Variants in TSPAN9 observed in about 807,000 individuals in gnomAD.
The protein encoded by TSPAN9 is tetraspanin-9.
In TSPAN9, 16 loss-of-function variants were observed where a neutral mutation model predicts 31.0. The observed-to-expected ratio is 0.52, with a 90% CI of 0.35 to 0.78. The LOEUF (loss-of-function observed/expected upper bound fraction) is 0.78. Ranked by LOEUF, TSPAN9 falls within the 30% of genes least tolerant of loss-of-function variation. The pLI is 0.01. For missense variants in TSPAN9, 272 were observed against 312.5 expected, an observed-to-expected ratio of 0.87 and a Z score of 0.98; for synonymous variants, 145 against 121.6, an observed-to-expected ratio of 1.19 and a Z score of -1.27.
chr12:3,265,877 T>G (rs1862527574), intron 3 of TSPAN9, among the ~76,000 whole-genome samples: 1 of 152,176 alleles, frequency 6.6e-6, no homozygotes, highest in South Asian at 2.1e-4. Context: ...TGTGTGAGCT[T>G]AGACAGGATA....
chr12:3,132,674 T>C (rs1305043018), intron 2 of TSPAN9, among the ~76,000 whole-genome samples: 1 of 152,208 alleles, frequency 6.6e-6, no homozygotes, highest in Non-Finnish European at 1.5e-5. Flanking sequence ...TCCAGCTAGG[T>C]TGGGCGAAGC....
At chr12:3,240,282 C>T (rs543351110) in intron 3 of TSPAN9, among the ~76,000 whole-genome samples, 164 of 152,068 alleles carry the variant, frequency 1.1e-3, no homozygotes, top group Non-Finnish European at 1.9e-3. Context: ...CTGCAGGCTA[C>T]GGGGAGAGAG....
intron 3 of TSPAN9, among the ~76,000 whole-genome samples, chr12:3,250,420 A>G (rs140605442): frequency 3.3e-4 from 50 of 152,236 alleles, no homozygotes; most frequent in African/African-American, 1.2e-3. Context: ...TCCAGAATGG[A>G]GTTCATGCCT....
chr12:3,141,598 C>T (rs373995173), intron 2 of TSPAN9, among the ~76,000 whole-genome samples: 5 of 152,236 alleles, frequency 3.3e-5, no homozygotes, highest in South Asian at 2.1e-4. Flanking sequence ...GGCTGTGTCT[C>T]GGCTGCAGCT....
At chr12:3,139,222 T>C (rs1041984221) in intron 2 of TSPAN9, among the ~76,000 whole-genome samples, 2 of 152,220 alleles carry the variant, frequency 1.3e-5, no homozygotes, top group Non-Finnish European at 2.9e-5. Flanking sequence ...TCTTCCTCTG[T>C]CTGAGACCAT....
chr12:3,180,097 G>A (rs2098357893), intron 2 of TSPAN9, among the ~76,000 whole-genome samples: 1 of 152,008 alleles, frequency 6.6e-6, no homozygotes, highest in Non-Finnish European at 1.5e-5. Flanking sequence ...AAAGACCCAG[G>A]GCATTGTTTC....
intron 4 of TSPAN9, 136 bp downstream of exon 4, chr12:3,278,748 T>C: frequency 8.3e-7 from 1 of 1,199,972 alleles, no homozygotes; most frequent in Non-Finnish European, 1.2e-6. Context: ...TAGAACGTTC[T>C]AGGCTTGACC....
At chr12:3,216,018 C>T (rs550592944) in intron 3 of TSPAN9, among the ~76,000 whole-genome samples, 183 of 152,322 alleles carry the variant, frequency 1.2e-3, no homozygotes, top group African/African-American at 4.2e-3. Flanking sequence ...ATGTTCCCAG[C>T]GGTTGATCCA....
rs921135339 is a variant in TSPAN9, at chr12:3,147,757, G to A, written c.-17-53420G>A. On this transcript the variant is annotated intron_variant, in intron 2 of 8. Transcript: ENST00000011898. The surrounding 1 kb of genome is among the most constrained non-coding windows in gnomAD (Gnocchi z 4.3). ...GCCACATGTTGCTAGTGGCTGCCAC[G>A]TCGGACGGTACTGTTCTAGACCAGT... 1.4e-4 allele frequency among the ~76,000 whole-genome samples: 22 copies of A among 152,206 alleles called. No individual in the cohort carries two copies. The highest frequency in any genetic ancestry group is 3.6e-4 in the African/African-American group (15 of 41,454).
At chr12:3,223,897 A>G (rs574859409) in intron 3 of TSPAN9, among the ~76,000 whole-genome samples, 350 of 152,208 alleles carry the variant, frequency 2.3e-3, no homozygotes, top group African/African-American at 8.0e-3. Flanking sequence ...TTATAACAGA[A>G]TAGGGATGCT....
chr12:3,108,094 A>G (rs1342629629), intron 2 of TSPAN9, among the ~76,000 whole-genome samples: 1 of 152,146 alleles, frequency 6.6e-6, no homozygotes, highest in African/African-American at 2.4e-5. Context: ...GTAACCCCAT[A>G]GCACCTGTGC....
chr12:3,134,475 A>G (rs2098331198), intron 2 of TSPAN9, among the ~76,000 whole-genome samples: 1 of 152,206 alleles, frequency 6.6e-6, no homozygotes, highest in African/African-American at 2.4e-5. Context: ...GGGATGGTCA[A>G]GGCTGGAGCC....
At chr12:3,257,788 G>A (rs1383557063) in intron 3 of TSPAN9, among the ~76,000 whole-genome samples, 2 of 152,064 alleles carry the variant, frequency 1.3e-5, no homozygotes, top group Admixed American at 6.5e-5. Flanking sequence ...GGGGGGCGGC[G>A]GGGAGGCGAC....
At chr12:3,214,919 G>A (rs2098380584) in intron 3 of TSPAN9, among the ~76,000 whole-genome samples, 1 of 151,452 alleles carries the variant, frequency 6.6e-6, no homozygotes, top group African/African-American at 2.4e-5. Flanking sequence ...ACGTCTTCAG[G>A]GCTGTTCCCT....
At chr12:3,225,542 C>G (rs992879771) in intron 3 of TSPAN9, among the ~76,000 whole-genome samples, 3 of 152,264 alleles carry the variant, frequency 2.0e-5, no homozygotes, top group Non-Finnish European at 2.9e-5. Context: ...TTTCAGGCAG[C>G]TGCCAACCAA....
intron 2 of TSPAN9, among the ~76,000 whole-genome samples, chr12:3,179,612 CTAATT>C (rs2098357667): frequency 6.6e-6 from 1 of 152,102 alleles, no homozygotes; most frequent in Admixed American, 6.5e-5. Flanking sequence ...TTGGTTTTCT[CTAATT>C]TAATAGGTTA....
At position 3,137,852 on chromosome 12, in the gene TSPAN9, G is replaced by A. The variant is rs60369106; in HGVS notation, c.-18+54133G>A. On this transcript the variant is annotated intron_variant, in intron 2 of 8. Transcript: ENST00000011898. ...CTTGTCACACGGATTTCTGCATGCA[G>A]CTCTTCAGGGGCTTGACTTCCTTCC... Among the ~76,000 whole-genome samples, 798 of 152,254 alleles carry A rather than the reference G, an allele frequency of 5.2e-3. 7 individuals are homozygous for A. The highest frequency in any genetic ancestry group is 0.018 in the African/African-American group (761 of 41,542).
intron 2 of TSPAN9, among the ~76,000 whole-genome samples, chr12:3,198,096 TCACCACCAGCACAGGC>T (rs1565610179): frequency 1.1e-4 from 3 of 27,366 alleles, no homozygotes; most frequent in African/African-American, 2.9e-4. Flanking sequence ...CCAGCACAGC[TCACCACCAGCACAGGC>T]CACCACCAGC....
intron 3 of TSPAN9, among the ~76,000 whole-genome samples, chr12:3,267,528 C>G (rs945933639): frequency 6.6e-6 from 1 of 152,234 alleles, no homozygotes; most frequent in Admixed American, 6.5e-5. Context: ...AGTTACATTG[C>G]CATCCTTGAA....
Sources: allele counts gnomAD v4.1 joint callset (sites outside exome capture counted in the v4.1 genomes callset), GRCh38; gene constraint gnomAD v4.1.1; non-coding constraint Gnocchi (gnomAD v3.1); transcripts MANE v1.5; gene names NCBI Gene and HGNC (gene_info 2026-07-23, HGNC 2026-07-21).